Variants in DAP observed in about 807,000 individuals in gnomAD.
DAP encodes death associated protein.
In DAP, 8 loss-of-function variants were observed where a neutral mutation model predicts 13.8. The observed-to-expected ratio is 0.58, with a 90% CI of 0.34 to 1.05. DAP has a LOEUF of 1.05. Among genes scored for constraint, DAP ranks in the 50% least tolerant of loss-of-function variants. The probability of loss-of-function intolerance (pLI) is 0.03; values close to 1 mark genes in which losing one functional copy is unlikely to be tolerated. For missense variants in DAP, 106 were observed against 133.2 expected, an observed-to-expected ratio of 0.80 and a Z score of 1.01; for synonymous variants, 47 against 47.5, an observed-to-expected ratio of 0.99 and a Z score of 0.04.
chr5:10,736,376 C>T (rs529165820), intron 2 of DAP, among the ~76,000 whole-genome samples: 1 of 152,316 alleles, frequency 6.6e-6, no homozygotes, highest in Admixed American at 6.5e-5. Context: ...ATGAGAATGG[C>T]TTTGTCCTAA....
chr5:10,732,379 A>T (rs1739487676), intron 2 of DAP, among the ~76,000 whole-genome samples: 1 of 152,198 alleles, frequency 6.6e-6, no homozygotes, highest in Non-Finnish European at 1.5e-5. Flanking sequence ...CCTGGCAATC[A>T]GTCATCTGCT....
intron 2 of DAP, among the ~76,000 whole-genome samples, chr5:10,737,472 G>T (rs190797085): frequency 6.6e-6 from 1 of 152,072 alleles, no homozygotes; most frequent in Non-Finnish European, 1.5e-5. Context: ...ACAGGGACAC[G>T]CCCCTCTTAA....
intron 2 of DAP, among the ~76,000 whole-genome samples, chr5:10,721,525 G>A (rs534881183): frequency 2.0e-5 from 3 of 152,308 alleles, no homozygotes; most frequent in Non-Finnish European, 4.4e-5. Context: ...CTCCACAACA[G>A]AGATAAGGAA....
At chr5:10,742,827 A>C (rs1186127784) in intron 2 of DAP, among the ~76,000 whole-genome samples, 10 of 152,174 alleles carry the variant, frequency 6.6e-5, no homozygotes, top group Admixed American at 6.5e-4. Flanking sequence ...TCAGTTCTTT[A>C]GGCCCTCTCA....
At position 10,681,174 on chromosome 5, in the gene DAP, C is replaced by G; in HGVS notation, c.196-5G>C. 1 of 1,491,308 alleles carries G rather than the reference C, an allele frequency of 6.7e-7. No homozygotes were observed. Among genetic ancestry groups the G allele is most frequent in the Non-Finnish European group, 8.9e-7 (1 of 1,121,090 alleles). The allele number at this position is 1,491,308 out of a possible 1,614,324, so 92.4% of individuals were successfully genotyped here. ...CGGGGGGAAATCTTTGTCACCCTGTCAGGAAACACGGAAAGCTCAGGTTAA... is the reference window on the plus strand; with the variant it reads ...CGGGGGGAAATCTTTGTCACCCTGTGAGGAAACACGGAAAGCTCAGGTTAA... On this transcript the variant is annotated splice_region_variant and splice_polypyrimidine_tract_variant and intron_variant, in intron 3 of 3. Transcript: ENST00000230895.
chr5:10,690,285 C>T (rs1452946051), intron 2 of DAP, among the ~76,000 whole-genome samples: 2 of 152,188 alleles, frequency 1.3e-5, no homozygotes, highest in Non-Finnish European at 2.9e-5. Flanking sequence ...CTTCTAACTT[C>T]GCTTTGAAAC....
At chr5:10,684,423 C>T (rs575528529) in intron 2 of DAP, among the ~76,000 whole-genome samples, 27 of 152,268 alleles carry the variant, frequency 1.8e-4, no homozygotes, top group Admixed American at 1.5e-3. Context: ...CTGAGCTCAC[C>T]TAAACTGCCG....
intron 2 of DAP, among the ~76,000 whole-genome samples, chr5:10,742,362 G>A (rs145096564): frequency 0.021 from 3,264 of 152,024 alleles, 92 homozygotes; most frequent in African/African-American, 0.07. Context: ...GTGAAACCCC[G>A]TCTCTACTAA....
At chr5:10,728,983 T>C (rs1334477446) in intron 2 of DAP, among the ~76,000 whole-genome samples, 1 of 152,260 alleles carries the variant, frequency 6.6e-6, no homozygotes, top group African/African-American at 2.4e-5. Context: ...TGTGCTCTTT[T>C]AGGTTCAAAG....
Position 10,748,087 on chromosome 5 carries a change from C to T in DAP, c.152+88G>A, listed in dbSNP as rs1198512342. 1.0e-5 allele frequency: 10 copies of T among 959,350 alleles called. No homozygotes were observed. In the Admixed American group the frequency reaches 1.8e-4, roughly 18 times the overall value. The allele number at this position is 959,350 out of a possible 1,614,324, so 59.4% of individuals were successfully genotyped here. ...GGGCCCCACATAGCCCAGGAGTTATCAGAATCATAGAACAGAGAACAAATG... is the reference window on the plus strand; with the variant it reads ...GGGCCCCACATAGCCCAGGAGTTATTAGAATCATAGAACAGAGAACAAATG... On this transcript the variant is annotated intron_variant, in intron 2 of 3. Transcript: ENST00000230895.
At chr5:10,729,769 C>A (rs1168067076) in intron 2 of DAP, among the ~76,000 whole-genome samples, 3 of 152,180 alleles carry the variant, frequency 2.0e-5, no homozygotes, top group Non-Finnish European at 4.4e-5. Flanking sequence ...AGATGCTACT[C>A]CAGTTCCCCT....
At chr5:10,757,410 G>A (rs934506613) in intron 1 of DAP, among the ~76,000 whole-genome samples, 2 of 152,106 alleles carry the variant, frequency 1.3e-5, no homozygotes, top group Admixed American at 6.5e-5. Flanking sequence ...GAGTAGCTGA[G>A]ATTACAGGCA....
At chr5:10,740,069 T>G (rs1038920996) in intron 2 of DAP, among the ~76,000 whole-genome samples, 2 of 152,208 alleles carry the variant, frequency 1.3e-5, no homozygotes, top group Non-Finnish European at 2.9e-5. Context: ...GATAAATATC[T>G]GTGAAAAGAC....
intron 2 of DAP, among the ~76,000 whole-genome samples, chr5:10,717,740 G>A (rs1739027883): frequency 2.0e-5 from 3 of 152,332 alleles, no homozygotes; most frequent in Admixed American, 1.3e-4. Context: ...AAGGCAAGGT[G>A]GGTGCAGCTA....
At chr5:10,681,836 C>T (rs934858830) in intron 3 of DAP, among the ~76,000 whole-genome samples, 2 of 150,910 alleles carry the variant, frequency 1.3e-5, no homozygotes, top group East Asian at 2.0e-4. Flanking sequence ...CAGGCCAGCA[C>T]CCACCAGCGT....
chr5:10,693,336 G>T (rs191609117), intron 2 of DAP, among the ~76,000 whole-genome samples: 3 of 152,344 alleles, frequency 2.0e-5, no homozygotes. Flanking sequence ...TCCTTTTCAT[G>T]TAAATGTACT....
intron 2 of DAP, among the ~76,000 whole-genome samples, chr5:10,709,796 TG>T (rs35865792): frequency 6.6e-6 from 1 of 152,210 alleles, no homozygotes; most frequent in African/African-American, 2.4e-5. Flanking sequence ...GTTACCCACC[TG>T]GAACATGTCC....
intron 2 of DAP, among the ~76,000 whole-genome samples, chr5:10,730,223 T>C (rs1246108130): frequency 6.6e-6 from 1 of 152,228 alleles, no homozygotes; most frequent in Non-Finnish European, 1.5e-5. Flanking sequence ...GTCCCCACTG[T>C]GTAGAGTACC....
At chr5:10,689,806 G>C (rs1404311008) in intron 2 of DAP, among the ~76,000 whole-genome samples, 1 of 152,182 alleles carries the variant, frequency 6.6e-6, no homozygotes, top group East Asian at 1.9e-4. Flanking sequence ...ACTCACTCAG[G>C]ATGGAAAGGC....
Sources: gnomAD v4.1 joint callset for allele counts (sites outside exome capture counted in the v4.1 genomes callset) on GRCh38, gnomAD v4.1.1 for gene constraint, MANE v1.5 for transcripts, NCBI Gene and HGNC (gene_info 2026-07-23, HGNC 2026-07-21) for gene names.